Variants in AGBL5 observed in about 807,000 individuals in gnomAD.
The protein encoded by AGBL5 is AGBL carboxypeptidase 5.
Under a neutral mutation model 88.0 loss-of-function variants are expected in AGBL5, and 51 were observed. The ratio of observed to expected loss-of-function variants is 0.58; its 90% CI spans 0.46 to 0.73. The LOEUF is 0.73. Among genes scored for constraint, AGBL5 ranks in the 30% least tolerant of loss-of-function variants. The probability of loss-of-function intolerance (pLI) is 0.00; values close to 1 mark genes in which losing one functional copy is unlikely to be tolerated. For missense variants in AGBL5, 1,031 were observed against 1,162.2 expected (o/e 0.89, Z 1.64); for synonymous variants, 446 against 438.8 (o/e 1.02, Z -0.21).
At chr2:27,066,234 CAAAAAA>C (rs5830033) in intron 11 of AGBL5, among the ~76,000 whole-genome samples, 1 of 84,456 alleles carries the variant, frequency 1.2e-5, no homozygotes, top group African/African-American at 4.3e-5. Context: ...ACCCTGTCTC[CAAAAAA>C]AAAAAAAAAA....
At chr2:27,052,892 C>T in intron 1 of AGBL5, 21 bp from the exon 2 acceptor site, 9 of 1,418,174 alleles carry the variant, frequency 6.3e-6, no homozygotes, top group Non-Finnish European at 8.5e-6. Flanking sequence ...CCTCCTTAAC[C>T]TAACCCTTGT....
At position 27,070,405 on chromosome 2, in the gene AGBL5, A is replaced by G. The variant is rs1276822349; in HGVS notation, c.*142A>G. 1.2e-6 allele frequency: 1 copy of G among 833,602 alleles called. No homozygotes were observed. The highest frequency in any genetic ancestry group is 1.9e-6 in the Non-Finnish European group (1 of 522,116). 51.6% of individuals were successfully genotyped at this position (833,602 alleles called of 1,614,324 possible). ...CCAGCCACGCTGTCCAAGGCATTAC[A>G]GAGTATCACCTTGAGACAGAACAAA... On this transcript the variant is annotated 3_prime_UTR_variant, in exon 15 of 15. Transcript: ENST00000360131.
chr2:27,055,955 A>C lies in AGBL5; in HGVS notation c.1182A>C (p.Pro394=), dbSNP rs370334733. The part of the protein sequence containing the change: ...HNAEAWKQTE[P]AEQKLNSVWI... ...CTGAAGCCTGGAAACAAACAGAGCC[A>C]GCAGAACAGAAGCTCAACAGTGTGT... is the stretch of plus-strand genomic sequence containing the variant. The change falls in exon 7 of 15, where the codon CCA becomes CCC. Residue 394 remains proline (P), a synonymous_variant. Transcript: ENST00000360131. 3 of 1,614,260 alleles carry C rather than the reference A, an allele frequency of 1.9e-6. No homozygotes were observed. The highest frequency in any genetic ancestry group is 2.5e-6 in the Non-Finnish European group (3 of 1,180,050).
intron 4 of AGBL5, 123 bp from the exon 5 acceptor site, chr2:27,054,507 G>T: frequency 1.2e-6 from 1 of 863,058 alleles, no homozygotes; most frequent in Non-Finnish European, 1.8e-6. Flanking sequence ...CATTGTGAGG[G>T]ACTATAAGGC....
Position 27,069,592 on chromosome 2 carries a change from G to A in AGBL5, c.2375G>A (p.Arg792Gln), listed in dbSNP as rs61354909. 3,418 of 1,614,080 alleles carry A rather than the reference G, an allele frequency of 2.1e-3. 75 individuals are homozygous for A. The African/African-American group carries it at 0.04, about 19-fold the overall frequency. The change falls in exon 14 of 15, where the codon CGG becomes CAG. Residue 792 changes from arginine (R) to glutamine (Q), a missense_variant. By Grantham distance (43) the Arg-to-Gln change is conservative (BLOSUM62 1). This residue lies in a region of AGBL5 where 491 missense variants were observed against 484.0 expected (regional missense o/e 1.01). Coordinates refer to ENST00000360131, the MANE Select transcript of AGBL5 (RefSeq NM_021831.6). ...ACACAGGCTAGGCCCAGGTTGGGCC[G>A]GGGCTCACCGCCGACTCGCAGAGGG... ...TRLQARPRLG[R>Q]GSPPTRRGMK... is the part of the protein sequence containing the mutation.
At chr2:27,058,186 C>T (rs766254359) in intron 9 of AGBL5, among the ~76,000 whole-genome samples, 2 of 152,218 alleles carry the variant, frequency 1.3e-5, no homozygotes, top group Non-Finnish European at 2.9e-5. Context: ...CACTTTGCCC[C>T]TCATAATGGA....
chr2:27,054,882 G>C (rs1469891338), intron 5 of AGBL5, 75 bp downstream of exon 5: 4 of 1,544,692 alleles, frequency 2.6e-6, no homozygotes, highest in Non-Finnish European at 3.5e-6. Flanking sequence ...TAAAGACTAT[G>C]TTATCTCTAG....
chr2:27,059,229 G>A lies in AGBL5; in HGVS notation c.1914G>A (p.Arg638=), dbSNP rs772476792. 12 of 1,613,998 alleles carry A rather than the reference G, an allele frequency of 7.4e-6. No homozygotes were observed. The highest frequency in any genetic ancestry group is 1.0e-5 in the Non-Finnish European group (12 of 1,179,996). Residue 638 remains arginine (R), a synonymous_variant, in exon 11 of 15, where the codon CGG becomes CGA. Coordinates refer to ENST00000360131, the MANE Select transcript of AGBL5 (RefSeq NM_021831.6). Reference sequence around the variant, plus strand: ...CCTGCTCCGAAAACACCTTGAGTCGGGCACGAAGTTTTAGCACCGGCACAA... The same window carrying A: ...CCTGCTCCGAAAACACCTTGAGTCGAGCACGAAGTTTTAGCACCGGCACAA... The part of the protein sequence containing the change: ...PVSCSENTLS[R]ARSFSTGTSA...
chr2:27,055,169 C>T lies in AGBL5; in HGVS notation c.824C>T (p.Pro275Leu), dbSNP rs1668364984. 2 of 1,614,194 alleles carry T rather than the reference C, an allele frequency of 1.2e-6. No individual in the cohort carries two copies. The highest frequency in any genetic ancestry group is 1.7e-6 in the Non-Finnish European group (2 of 1,180,030). Residue 275 changes from proline to leucine, a missense_variant, in exon 6 of 15, where the codon CCC becomes CTC. Pro to Leu is a moderately conservative substitution (Grantham distance 98). Coordinates refer to ENST00000360131, the MANE Select transcript of AGBL5 (RefSeq NM_021831.6). The stretch of plus-strand genomic sequence containing the variant: ...GACTTCATCCTCCGACCTGATGATC[C>T]CCGGGCCCAAACCCTCCGTCGCCTC... ...FLDFILRPDD[P>L]RAQTLRRLFV...
chr2:27,057,335 G>A lies in AGBL5; in HGVS notation c.1568G>A (p.Arg523His), dbSNP rs752895921. ...CTTGAATGCAACTACAACACTGGAC[G>A]CTCAGTAAACAGCATCCCTGCTGCC... is the stretch of plus-strand genomic sequence containing the variant. ...YTLECNYNTG[R>H]SVNSIPAACH... Residue 523 changes from arginine to histidine, a missense_variant, in exon 9 of 15, where the codon CGC (arginine) becomes CAC (histidine). Arg to His is a conservative substitution (Grantham distance 29, BLOSUM62 0). Around this residue, in one of 2 missense-constraint regions of AGBL5, gnomAD observed 491 missense variants for 484.0 expected, o/e 1.01. Transcript: ENST00000360131. 3.1e-6 allele frequency: 5 copies of A among 1,613,740 alleles called. No individual in the cohort carries two copies. Among genetic ancestry groups the A allele is most frequent in the South Asian group, 1.1e-5 (1 of 91,012 alleles).
chr2:27,051,851 C>T (rs1480278860), intron 1 of AGBL5, 58 bp downstream of exon 1: 1 of 152,438 alleles, frequency 6.6e-6, no homozygotes. Context: ...CAGCCCCGGC[C>T]CCGCCCCCTT....
intron 11 of AGBL5, among the ~76,000 whole-genome samples, chr2:27,064,455 C>G (rs1482021363): frequency 6.6e-6 from 1 of 152,022 alleles, no homozygotes; most frequent in Non-Finnish European, 1.5e-5. Context: ...ACCACCACAC[C>G]TGGCTGATTT....
intron 1 of AGBL5, 30 bp from the exon 2 acceptor site, chr2:27,052,883 C>G (rs542725417): frequency 1.5e-6 from 2 of 1,335,880 alleles, no homozygotes; most frequent in African/African-American, 3.0e-5. Context: ...CTTCCCTTTC[C>G]TCCTTAACCT....
rs1669233721 is a variant in AGBL5 at position 27,070,466 on chromosome 2, A to G, written c.*203A>G. ...GCCACCCCTTCCCTCCCTCCGCAGC[A>G]CAAGATTTTGGGACCACAAAAAAAA... On this transcript the variant is annotated 3_prime_UTR_variant, in exon 15 of 15. Transcript: ENST00000360131. The G allele has an allele frequency of 3.6e-6, 2 of 550,406 alleles. No homozygotes were observed. The highest frequency in any genetic ancestry group is 6.4e-6 in the Non-Finnish European group (2 of 313,914). 34.1% of individuals were successfully genotyped at this position (550,406 alleles called of 1,614,324 possible).
In AGBL5 at chr2:27,053,268, C is replaced by A. The variant is rs1030941944; in HGVS notation, c.215+95C>A. 6.6e-7 allele frequency: 1 copy of A among 1,514,996 alleles called. No individual in the cohort carries two copies. Among genetic ancestry groups the A allele is most frequent in the African/African-American group, 1.4e-5 (1 of 72,214 alleles). 93.8% of individuals were successfully genotyped at this position (1,514,996 alleles called of 1,614,324 possible). Reference sequence around the variant, plus strand: ...TGTTCATACCCAGCATACTCCCTGTCCATTTCTGACCCATCGTCCCTCCTT... The same window carrying A: ...TGTTCATACCCAGCATACTCCCTGTACATTTCTGACCCATCGTCCCTCCTT... On this transcript the variant is annotated intron_variant, in intron 2 of 14. Coordinates refer to ENST00000360131, the MANE Select transcript of AGBL5 (RefSeq NM_021831.6). The surrounding 1 kb of genome is among the most constrained non-coding windows in gnomAD (Gnocchi z 4.9).
At chr2:27,050,769 T>C (rs189481891), upstream of AGBL5, among the ~76,000 whole-genome samples, 169 of 152,134 alleles carry the variant, frequency 1.1e-3, 1 homozygote, top group Non-Finnish European at 1.8e-3. Context: ...AGCAGCATCT[T>C]ATCGCAGCGG....
intron 14 of AGBL5, 93 bp from the exon 15 acceptor site, chr2:27,069,999 G>T (rs892325524): frequency 1.3e-6 from 2 of 1,532,988 alleles, no homozygotes; most frequent in Admixed American, 2.0e-5. Flanking sequence ...TCTTCATCTC[G>T]CTCCACTTCT....
At chr2:27,067,022 G>A (rs1669020086) in intron 11 of AGBL5, among the ~76,000 whole-genome samples, 1 of 152,106 alleles carries the variant, frequency 6.6e-6, no homozygotes, top group Admixed American at 6.5e-5. Context: ...GGCGGAGGTT[G>A]CAGTGAACCA....
In AGBL5 at chr2:27,055,128, C is replaced by T. The variant is rs763004799; in HGVS notation, c.783C>T (p.Val261=). Residue 261 remains valine, a synonymous_variant, in exon 6 of 15, where the codon GTC becomes GTT. Coordinates refer to ENST00000360131, the MANE Select transcript of AGBL5 (RefSeq NM_021831.6). ...CAGGGGAGACTCCATCTAGCTTTGT[C>T]TTCAATGGCTTTCTGGACTTCATCC... ...VHPGETPSSF[V]FNGFLDFILR... is the part of the protein sequence containing the mutation. 9.9e-6 allele frequency: 16 copies of T among 1,614,116 alleles called. No individual in the cohort carries two copies. The highest frequency in any genetic ancestry group is 4.2e-6 in the Non-Finnish European group (5 of 1,180,046).
Sources: allele counts gnomAD v4.1 joint callset (sites outside exome capture counted in the v4.1 genomes callset), GRCh38; gene constraint gnomAD v4.1.1; regional missense constraint gnomAD v4.1.1; non-coding constraint Gnocchi (gnomAD v3.1); transcripts MANE v1.5; gene names NCBI Gene and HGNC (gene_info 2026-07-23, HGNC 2026-07-21).